IPO11: variants seen among roughly 807,000 people sequenced by gnomAD.
The protein encoded by IPO11 is importin-11.
Under a neutral mutation model 143.2 loss-of-function variants are expected in IPO11, and 66 were observed. That is an observed-to-expected ratio of 0.46 (90% CI 0.38 to 0.57). IPO11 has a LOEUF of 0.57. Ranked by LOEUF, IPO11 falls within the 20% of genes least tolerant of loss-of-function variation. IPO11 has a pLI of 0.00. For missense variants in IPO11, 1,026 were observed against 1,141.0 expected, an observed-to-expected ratio of 0.90 and a Z score of 1.45; for synonymous variants, 385 against 377.8, an observed-to-expected ratio of 1.02 and a Z score of -0.22.
intron 9 of IPO11, among the ~76,000 whole-genome samples, chr5:62,476,956 G>A (rs1415110860): frequency 3.3e-5 from 5 of 152,146 alleles, no homozygotes; most frequent in Admixed American, 1.3e-4. Flanking sequence ...GTGTCATAGT[G>A]TAAGTCACCT....
intron 24 of IPO11, among the ~76,000 whole-genome samples, chr5:62,548,546 C>G (rs533840827): frequency 6.6e-6 from 1 of 152,144 alleles, no homozygotes; most frequent in South Asian, 2.1e-4. Flanking sequence ...ACACTCTCTT[C>G]GTTCTCCTGG....
At chr5:62,598,535 CTTT>C (rs374602507) in intron 28 of IPO11, among the ~76,000 whole-genome samples, 2 of 5,836 alleles carry the variant, frequency 3.4e-4, no homozygotes, top group African/African-American at 1.6e-3. Flanking sequence ...TCTTTTCTTT[CTTT>C]TCTTTCTTTT....
At chr5:62,581,077 T>C in intron 27 of IPO11, 1 of 1,549,476 alleles carries the variant, frequency 6.5e-7, no homozygotes, top group Non-Finnish European at 8.7e-7. Flanking sequence ...TTTTTTGATC[T>C]ACAAAGTTGT....
intron 2 of IPO11, among the ~76,000 whole-genome samples, chr5:62,440,092 C>T (rs909110511): frequency 1.3e-5 from 2 of 152,156 alleles, no homozygotes; most frequent in Non-Finnish European, 2.9e-5. Context: ...CTTTGCCAGG[C>T]ACTGTGCTAG....
intron 1 of IPO11, among the ~76,000 whole-genome samples, chr5:62,435,208 ATGTG>A (rs77728374): frequency 0.038 from 2,676 of 70,766 alleles, 228 homozygotes; most frequent in South Asian, 0.081. Context: ...ATGTATATAT[ATGTG>A]TATATATATA....
chr5:62,435,135 T>TGTATATAC (rs1744149073), intron 1 of IPO11, among the ~76,000 whole-genome samples: 1 of 97,254 alleles, frequency 1.0e-5, no homozygotes, highest in African/African-American at 5.9e-5. Context: ...TGTATATATA[T>TGTATATAC]GTATATATGT....
chr5:62,516,293 CT>C (rs902327743), intron 20 of IPO11, among the ~76,000 whole-genome samples: 62 of 147,490 alleles, frequency 4.2e-4, no homozygotes, highest in African/African-American at 7.4e-4. Context: ...TAAATGCTTT[CT>C]TTTTTTTTTT....
At chr5:62,622,768 A>G (rs1023933593) in intron 29 of IPO11, among the ~76,000 whole-genome samples, 1 of 152,362 alleles carries the variant, frequency 6.6e-6, no homozygotes, top group Admixed American at 6.5e-5. Flanking sequence ...CTTACAAGGT[A>G]ATTGCTAAAT....
At chr5:62,514,066 GGT>G (rs1212395945) in intron 19 of IPO11, among the ~76,000 whole-genome samples, 1 of 151,260 alleles carries the variant, frequency 6.6e-6, no homozygotes, top group Non-Finnish European at 1.5e-5. Flanking sequence ...TCACTTCCCA[GGT>G]GGGATGGCGG....
intron 27 of IPO11, chr5:62,579,833 T>C: frequency 6.5e-7 from 1 of 1,547,694 alleles, no homozygotes; most frequent in Non-Finnish European, 8.7e-7. Flanking sequence ...AAGGGACTTT[T>C]AAATCTTCGT....
At chr5:62,462,922 TG>T (rs1259081405) in intron 5 of IPO11, among the ~76,000 whole-genome samples, 2 of 149,714 alleles carry the variant, frequency 1.3e-5, no homozygotes, top group Non-Finnish European at 3.0e-5. Context: ...GTAGTGGTAG[TG>T]GGGGGTATTG....
intron 9 of IPO11, among the ~76,000 whole-genome samples, chr5:62,479,731 G>A (rs564616476): frequency 2.6e-4 from 40 of 152,288 alleles, no homozygotes; most frequent in African/African-American, 9.4e-4. Flanking sequence ...CTGCATAAAT[G>A]TCTTCTTTTG....
intron 26 of IPO11, among the ~76,000 whole-genome samples, chr5:62,559,388 AT>A (rs911568679): frequency 2.6e-5 from 4 of 150,944 alleles, no homozygotes; most frequent in African/African-American, 9.7e-5. Context: ...CTGAAACTTC[AT>A]TTTTTTTAAT....
chr5:62,452,723 G>GGTGTGTGTGT (rs57057274), intron 5 of IPO11, among the ~76,000 whole-genome samples: 4 of 135,334 alleles, frequency 3.0e-5, no homozygotes, highest in Non-Finnish European at 6.1e-5. Flanking sequence ...TTTTTGGTGG[G>GGTGTGTGTGT]GTGTGTGTGT....
At chr5:62,558,193 G>A (rs2112360787) in intron 26 of IPO11, among the ~76,000 whole-genome samples, 1 of 152,252 alleles carries the variant, frequency 6.6e-6, no homozygotes, top group Non-Finnish European at 1.5e-5. Flanking sequence ...GTGTTATAAT[G>A]AATAGTATAA....
chr5:62,588,849 T>C (rs1454828544), intron 27 of IPO11, among the ~76,000 whole-genome samples: 1 of 152,214 alleles, frequency 6.6e-6, no homozygotes, highest in Non-Finnish European at 1.5e-5. Context: ...CTCACTGCCA[T>C]TGAGCAATCT....
At chr5:62,454,869 C>T (rs1366585772) in intron 5 of IPO11, among the ~76,000 whole-genome samples, 1 of 152,118 alleles carries the variant, frequency 6.6e-6, no homozygotes, top group African/African-American at 2.4e-5. Context: ...TATTAGATGC[C>T]TGCTGGATTT....
intron 27 of IPO11, among the ~76,000 whole-genome samples, chr5:62,586,761 AAAAAAAAATATATATAT>A (rs1362373488): frequency 7.1e-5 from 7 of 98,934 alleles, no homozygotes; most frequent in African/African-American, 1.1e-4. Context: ...CCAAAAAAAA[AAAAAAAAATATATATAT>A]ATATATATAT....
At chr5:62,474,633 A>C (rs537495247) in intron 8 of IPO11, among the ~76,000 whole-genome samples, 169 bp downstream of exon 8, 1 of 152,350 alleles carries the variant, frequency 6.6e-6, no homozygotes, top group South Asian at 2.1e-4. Context: ...TTGCTCCCTG[A>C]GTGAGCACTT....
Sources: allele counts gnomAD v4.1 joint callset (sites outside exome capture counted in the v4.1 genomes callset), GRCh38; gene constraint gnomAD v4.1.1; transcripts MANE v1.5; gene names NCBI Gene and HGNC (gene_info 2026-07-23, HGNC 2026-07-21).